PHF20: variants seen among roughly 807,000 people sequenced by gnomAD.
PHF20 encodes the protein PHD finger protein 20.
A neutral mutation model predicts 113.5 loss-of-function variants in PHF20; 23 were observed. The observed-to-expected ratio is 0.20, with a 90% confidence interval of 0.15 to 0.29. The LOEUF is 0.29. Ranked by LOEUF, PHF20 falls within the 10% of genes least tolerant of loss-of-function variation. The pLI is 1.00. For synonymous variants in PHF20, 434 were observed against 457.3 expected, an observed-to-expected ratio of 0.95 and a Z score of 0.65; for missense variants, 943 against 1,219.6, an observed-to-expected ratio of 0.77 and a Z score of 3.38.
intron 5 of PHF20, among the ~76,000 whole-genome samples, chr20:35,859,258 A>G (rs1448380802): frequency 5.9e-5 from 9 of 152,200 alleles, no homozygotes; most frequent in Admixed American, 2.0e-4. Flanking sequence ...TATGGTTTGC[A>G]TAGATACGGG....
intron 9 of PHF20, 34 bp from the exon 10 acceptor site, chr20:35,899,336 A>G (rs2055049833): frequency 1.3e-6 from 2 of 1,561,390 alleles, no homozygotes; most frequent in Non-Finnish European, 1.7e-6. Context: ...GGATAAATAC[A>G]AGGAACCTTT....
intron 3 of PHF20, chr20:35,845,424 G>T: frequency 2.5e-6 from 1 of 396,232 alleles, no homozygotes. Flanking sequence ...GAAGTGCAGT[G>T]GTGCAGTCTT....
chr20:35,801,710 T>G, intron 2 of PHF20, 105 bp downstream of exon 2: 1 of 688,492 alleles, frequency 1.5e-6, no homozygotes. Flanking sequence ...TTCTACTTCC[T>G]GACTCTTGGA....
At chr20:35,913,990 G>C in intron 11 of PHF20, 43 bp from the exon 12 acceptor site, 1 of 1,594,816 alleles carries the variant, frequency 6.3e-7, no homozygotes, top group Non-Finnish European at 8.6e-7. Flanking sequence ...ATGCACCAGT[G>C]TTAACTAGGG....
intron 11 of PHF20, 147 bp from the exon 12 acceptor site, chr20:35,913,886 A>G: frequency 1.5e-6 from 1 of 672,830 alleles, no homozygotes; most frequent in Non-Finnish European, 2.5e-6. Flanking sequence ...GGGCCCCTTC[A>G]TCTGCTCTCC....
chr20:35,797,158 T>C (rs1342001389), intron 1 of PHF20, among the ~76,000 whole-genome samples: 1 of 151,954 alleles, frequency 6.6e-6, no homozygotes, highest in Non-Finnish European at 1.5e-5. Flanking sequence ...CCCAAAGTGC[T>C]GGGATTATAG....
intron 9 of PHF20, among the ~76,000 whole-genome samples, chr20:35,876,430 G>T (rs1202607746): frequency 6.6e-6 from 1 of 151,566 alleles, no homozygotes; most frequent in African/African-American, 2.4e-5. Context: ...AATTAGCCGG[G>T]TATGGTGGCA....
chr20:35,947,442 T>C (rs2056105246), intron 17 of PHF20, 43 bp from the exon 18 acceptor site: 1 of 1,595,378 alleles, frequency 6.3e-7, no homozygotes, highest in Non-Finnish European at 8.6e-7. Context: ...GCAAATCAAG[T>C]GTTGGGAGTT....
At chr20:35,846,248 C>T (rs563320523) in intron 3 of PHF20, among the ~76,000 whole-genome samples, 9 of 151,332 alleles carry the variant, frequency 5.9e-5, no homozygotes, top group South Asian at 2.1e-4. Flanking sequence ...GGCGCAATCT[C>T]GGCTCACTGC....
intron 9 of PHF20, among the ~76,000 whole-genome samples, chr20:35,890,376 T>TC (rs1278884052): frequency 3.3e-5 from 5 of 152,218 alleles, no homozygotes; most frequent in Non-Finnish European, 7.3e-5. Context: ...ATTTTAATGT[T>TC]CCTATTGTGA....
Position 35,842,735 on chromosome 20 carries a change from T to TG in PHF20, c.248dup (p.Ser84IlefsTer3). 1 of 1,613,282 alleles carries TG rather than the reference T, an allele frequency of 6.2e-7. No homozygotes were observed. Among genetic ancestry groups the TG allele is most frequent in the Non-Finnish European group, 8.5e-7 (1 of 1,179,690 alleles). ...GGAAAGAGGGCTTGCATGAAGAGGA[T>TG]GGATCTTCTGTGAGTAACAAATCTG... is the stretch of plus-strand genomic sequence containing the variant. On this transcript the variant is annotated frameshift_variant, in exon 3 of 18. Transcript: ENST00000374012. LOFTEE classifies it high-confidence loss of function.
rs543499886 is a variant in PHF20, at chr20:35,931,433, G to T, written c.2289G>T (p.Met763Ile). 3 of 1,610,972 alleles carry T rather than the reference G, an allele frequency of 1.9e-6. No homozygotes were observed. In the East Asian group the frequency reaches 6.7e-5, roughly 36 times the overall value. Residue 763 changes from methionine to isoleucine, a missense_variant, in exon 15 of 18, where the codon ATG (methionine) becomes ATT (isoleucine). By Grantham distance (10) the Met-to-Ile change is conservative. Coordinates refer to ENST00000374012, the MANE Select transcript of PHF20 (RefSeq NM_016436.5). Reference protein sequence around the residue: ...IEVLHGLQLKMSILQSREHPD... With the variant: ...IEVLHGLQLKISILQSREHPD... ...TTCTGCATGGCCTGCAGCTCAAGAT[G>T]AGCATCTTGCAGTAAGTGTGGCACC... is the stretch of plus-strand genomic sequence containing the variant.
At chr20:35,914,670 T>C (rs1345980691) in intron 12 of PHF20, among the ~76,000 whole-genome samples, 2 of 152,074 alleles carry the variant, frequency 1.3e-5, no homozygotes, top group Non-Finnish European at 2.9e-5. Context: ...AATTATTCAA[T>C]GTAAAAATTG....
chr20:35,786,030 TCAAAAAAAAAAAAAA>T (rs1410340665), intron 1 of PHF20, among the ~76,000 whole-genome samples: 1 of 116,562 alleles, frequency 8.6e-6, no homozygotes, highest in African/African-American at 3.4e-5. Flanking sequence ...CAACTCCATC[TCAAAAAAAAAAAAAA>T]CAAAAAAAAA....
chr20:35,890,997 T>C (rs1251410281), intron 9 of PHF20, among the ~76,000 whole-genome samples: 1 of 152,226 alleles, frequency 6.6e-6, no homozygotes, highest in East Asian at 1.9e-4. Context: ...TTATTCCCAT[T>C]TAACAATGAG....
At chr20:35,835,103 C>T (rs556037026) in intron 2 of PHF20, among the ~76,000 whole-genome samples, 76 of 151,988 alleles carry the variant, frequency 5.0e-4, no homozygotes, top group African/African-American at 1.8e-3. Context: ...GCTGAAACCC[C>T]GTCTCTATTA....
At chr20:35,870,575 T>A (rs534602446) in intron 7 of PHF20, among the ~76,000 whole-genome samples, 1 of 148,056 alleles carries the variant, frequency 6.8e-6, no homozygotes, top group Non-Finnish European at 1.5e-5. Flanking sequence ...AAATTTAAAA[T>A]AAAATAGTAT....
At chr20:35,869,395 G>T (rs2054376694) in intron 6 of PHF20, 43 bp from the exon 7 acceptor site, 1 of 1,012,234 alleles carries the variant, frequency 9.9e-7, no homozygotes, top group Non-Finnish European at 1.5e-6. Context: ...CAGACACTAA[G>T]AAATTATGTA....
chr20:35,858,347 A>C lies in PHF20; in HGVS notation c.386A>C (p.Lys129Thr). The stretch of plus-strand genomic sequence containing the variant: ...TATGATGGAGTAGTTCAGACTGTCA[A>C]ACATATTCATGTCAAAGCTTTTTCC... ...KFYDGVVQTVKHIHVKAFSKD... is the reference protein window; with the variant it reads ...KFYDGVVQTVTHIHVKAFSKD... The change falls in exon 5 of 18, where the codon AAA becomes ACA. Residue 129 changes from lysine to threonine, a missense_variant. This residue lies in a region of PHF20 where 592 missense variants were observed against 787.2 expected (regional missense o/e 0.75). Transcript: ENST00000374012. 6.3e-7 allele frequency: 1 copy of C among 1,598,316 alleles called. No individual in the cohort carries two copies. Among genetic ancestry groups the C allele is most frequent in the Non-Finnish European group, 8.6e-7 (1 of 1,167,922 alleles).
Sources: allele counts gnomAD v4.1 joint callset (sites outside exome capture counted in the v4.1 genomes callset), GRCh38; gene constraint gnomAD v4.1.1; regional missense constraint gnomAD v4.1.1; transcripts MANE v1.5; gene names NCBI Gene and HGNC (gene_info 2026-07-23, HGNC 2026-07-21).